Variants in HFM1 observed in about 807,000 individuals in gnomAD.
HFM1 encodes probable ATP-dependent DNA helicase HFM1.
A neutral mutation model predicts 192.1 loss-of-function variants in HFM1; 169 were observed. The ratio of observed to expected loss-of-function variants is 0.88; its 90% CI spans 0.78 to 1.00. The LOEUF is 1.00. Ranked by LOEUF, HFM1 falls within the 50% of genes least tolerant of loss-of-function variation. The pLI, the probability that HFM1 is intolerant of heterozygous loss-of-function variation, is 0.00. For missense variants in HFM1, 1,661 were observed against 1,668.0 expected (o/e 1.00, Z 0.07); for synonymous variants, 525 against 537.8 (o/e 0.98, Z 0.33).
chr1:91,363,994 A>G lies in HFM1; in HGVS notation c.1686-10695T>C, dbSNP rs117689796. Reference sequence around the variant, plus strand: ...AGTGGGAGCTGAATGATGATAACACATGGACATATGGAGGGGAACACATTG... The same window carrying G: ...AGTGGGAGCTGAATGATGATAACACGTGGACATATGGAGGGGAACACATTG... On this transcript the variant is annotated intron_variant, in intron 13 of 38. Coordinates refer to ENST00000370425, the MANE Select transcript of HFM1 (RefSeq NM_001017975.6). Among the ~76,000 whole-genome samples the G allele has an allele frequency of 4.4e-3, 674 of 152,272 alleles. 20 individuals carry two copies. The highest frequency in any genetic ancestry group is 0.036 in the East Asian group (187 of 5,184).
intron 13 of HFM1, among the ~76,000 whole-genome samples, chr1:91,370,125 G>C (rs753707808): frequency 1.4e-3 from 208 of 152,062 alleles, no homozygotes; most frequent in Non-Finnish European, 2.0e-3. Context: ...AAAAGTCCAG[G>C]ACCAGATGGA....
At chr1:91,317,602 C>T (rs984195226) in intron 25 of HFM1, among the ~76,000 whole-genome samples, 2 of 152,106 alleles carry the variant, frequency 1.3e-5, no homozygotes, top group Non-Finnish European at 2.9e-5. Context: ...GTCTAAGGCA[C>T]ATATATTACA....
intron 13 of HFM1, among the ~76,000 whole-genome samples, chr1:91,368,988 A>C (rs1268751343): frequency 6.6e-6 from 1 of 152,252 alleles, no homozygotes; most frequent in Non-Finnish European, 1.5e-5. Context: ...AACAAAGATC[A>C]AAAGAGGCAA....
intron 20 of HFM1, chr1:91,328,730 G>A (rs1653325329): frequency 6.2e-7 from 1 of 1,608,780 alleles, no homozygotes; most frequent in Non-Finnish European, 8.5e-7. Flanking sequence ...GGCTCAGGCT[G>A]CTGGGGCCGA....
At chr1:91,399,469 C>A (rs554814700) in intron 2 of HFM1, among the ~76,000 whole-genome samples, 1 of 152,272 alleles carries the variant, frequency 6.6e-6, no homozygotes, top group East Asian at 1.9e-4. Context: ...TGGCTTTTAA[C>A]CCACAGTGAA....
intron 30 of HFM1, among the ~76,000 whole-genome samples, chr1:91,312,253 C>T (rs562304651): frequency 1.4e-4 from 21 of 152,194 alleles, no homozygotes; most frequent in African/African-American, 4.6e-4. Flanking sequence ...TCCAGACCCC[C>T]GAATGGTAGA....
intron 33 of HFM1, among the ~76,000 whole-genome samples, chr1:91,274,321 C>T (rs1161854470): frequency 6.6e-6 from 1 of 151,830 alleles, no homozygotes; most frequent in Admixed American, 6.6e-5. Context: ...AAATATAATG[C>T]ACAAATGTGT....
chr1:91,302,296 AG>A (rs1045407314), intron 30 of HFM1, among the ~76,000 whole-genome samples: 3 of 151,824 alleles, frequency 2.0e-5, no homozygotes, highest in African/African-American at 7.3e-5. Context: ...GGTGCTGGAG[AG>A]GATGTGGAGA....
At chr1:91,374,229 T>G (rs1660624326) in intron 13 of HFM1, among the ~76,000 whole-genome samples, 1 of 151,812 alleles carries the variant, frequency 6.6e-6, no homozygotes, top group Non-Finnish European at 1.5e-5. Context: ...AGAATGGTCA[T>G]GAAAAGTCTG....
chr1:91,310,064 A>C (rs1232186661), intron 30 of HFM1, among the ~76,000 whole-genome samples: 1 of 152,034 alleles, frequency 6.6e-6, no homozygotes, highest in Non-Finnish European at 1.5e-5. Flanking sequence ...AAATACTCAA[A>C]AGGACTCAGG....
chr1:91,282,474 G>A (rs548630490), intron 30 of HFM1, among the ~76,000 whole-genome samples: 1 of 151,402 alleles, frequency 6.6e-6, no homozygotes, highest in South Asian at 2.1e-4. Flanking sequence ...CCTTATTTTG[G>A]ACTTTCACAC....
chr1:91,316,558 AG>A, intron 25 of HFM1, 82 bp from the exon 26 acceptor site: 2 of 573,244 alleles, frequency 3.5e-6, no homozygotes, highest in East Asian at 3.5e-5. Flanking sequence ...CAACTAAATT[AG>A]TAAAAAAAAA....
At chr1:91,316,254 A>G in intron 26 of HFM1, 70 bp from the exon 27 acceptor site, 1 of 1,082,776 alleles carries the variant, frequency 9.2e-7, no homozygotes. Flanking sequence ...ATTTTTTAGA[A>G]TAAATAGCTT....
At chr1:91,367,612 A>G (rs1028574381) in intron 13 of HFM1, among the ~76,000 whole-genome samples, 20 of 152,160 alleles carry the variant, frequency 1.3e-4, no homozygotes, top group African/African-American at 4.8e-4. Flanking sequence ...GTACGTCACC[A>G]TCATCAAAGA....
intron 19 of HFM1, among the ~76,000 whole-genome samples, chr1:91,344,672 T>C (rs1174082284): frequency 1.4e-5 from 2 of 142,780 alleles, no homozygotes; most frequent in African/African-American, 5.2e-5. Flanking sequence ...CTGTGTAATT[T>C]TAAATCTTTT....
At chr1:91,343,350 T>C (rs944887954) in intron 20 of HFM1, 80 bp downstream of exon 20, 9 of 600,008 alleles carry the variant, frequency 1.5e-5, no homozygotes, top group Non-Finnish European at 2.3e-5. Flanking sequence ...TTTATCACCA[T>C]CTAAATTTTA....
At chr1:91,340,526 GAC>G (rs1262247753) in intron 20 of HFM1, among the ~76,000 whole-genome samples, 3 of 151,996 alleles carry the variant, frequency 2.0e-5, no homozygotes, top group African/African-American at 7.2e-5. Context: ...CTAGACCATT[GAC>G]ACTATAAAGC....
intron 11 of HFM1, among the ~76,000 whole-genome samples, chr1:91,376,001 C>A (rs1391069352): frequency 2.6e-4 from 1 of 3,880 alleles, no homozygotes; most frequent in Non-Finnish European, 5.4e-4. Context: ...CATAAGAATC[C>A]AAAGAAAAAT....
chr1:91,348,885 T>C (rs557439037), intron 18 of HFM1, among the ~76,000 whole-genome samples: 98 of 152,224 alleles, frequency 6.4e-4, no homozygotes, highest in African/African-American at 2.1e-3. Context: ...GATCACACCA[T>C]TGGACTTCAG....
Sources: allele counts gnomAD v4.1 joint callset (sites outside exome capture counted in the v4.1 genomes callset), GRCh38; gene constraint gnomAD v4.1.1; transcripts MANE v1.5; gene names NCBI Gene and HGNC (gene_info 2026-07-23, HGNC 2026-07-21).